The following SCAPER variants were observed in gnomAD, a reference collection of about 807,000 sequenced individuals.
SCAPER encodes S-phase cyclin A associated protein in the ER.
In SCAPER, 98 loss-of-function variants were observed where a neutral mutation model predicts 182.2. The ratio of observed to expected loss-of-function variants is 0.54; its 90% CI spans 0.46 to 0.64. The LOEUF is 0.64. Among genes scored for constraint, SCAPER ranks in the 30% least tolerant of loss-of-function variants. The probability of loss-of-function intolerance (pLI) is 0.00; values close to 1 mark genes in which losing one functional copy is unlikely to be tolerated. For missense variants in SCAPER, 1,432 were observed against 1,690.0 expected (o/e 0.85, Z 2.68); for synonymous variants, 605 against 564.6 (o/e 1.07, Z -1.01).
chr15:76,464,079 T>C lies in SCAPER; in HGVS notation c.3078+7133A>G, dbSNP rs557226653. Among the ~76,000 whole-genome samples the C allele has an allele frequency of 1.7e-4, 26 of 149,108 alleles. No individual in the cohort carries two copies. The East Asian group carries it at 5.0e-3, about 29-fold the overall frequency. On this transcript the variant is annotated intron_variant, in intron 25 of 31. Coordinates refer to ENST00000563290, the MANE Select transcript of SCAPER (RefSeq NM_020843.4). The stretch of plus-strand genomic sequence containing the variant: ...AATTTTTAGGTGCATATTACAATAT[T>C]GTTAACTATATGCACATTGTTGTAA...
At chr15:76,542,700 G>T (rs2044876330) in intron 23 of SCAPER, among the ~76,000 whole-genome samples, 1 of 152,082 alleles carries the variant, frequency 6.6e-6, no homozygotes, top group East Asian at 1.9e-4. Context: ...TATATAAGAA[G>T]AATTTTGCTT....
In SCAPER at chr15:76,351,348, G is replaced by T. The variant is rs544813859; in HGVS notation, c.4048-60C>A. 6.7e-5 allele frequency: 99 copies of T among 1,475,362 alleles called. No individual in the cohort carries two copies. In the East Asian group the frequency reaches 2.3e-3, roughly 34 times the overall value. 91.4% of individuals were successfully genotyped at this position (1,475,362 alleles called of 1,614,324 possible). A position where few individuals can be genotyped will look rare whatever the true frequency, so the allele number is the denominator to read the frequency against. On this transcript the variant is annotated intron_variant, in intron 30 of 31. Transcript: ENST00000563290. ...GCTATGAACAGAGAATTTCACTAAG[G>T]GTGGCTTTAAATATACTTCTGATTC... is the stretch of plus-strand genomic sequence containing the variant.
At chr15:76,460,063 G>T (rs2049040483) in intron 25 of SCAPER, among the ~76,000 whole-genome samples, 1 of 151,940 alleles carries the variant, frequency 6.6e-6, no homozygotes, top group East Asian at 1.9e-4. Context: ...TGCTGTTTTG[G>T]TTACTGTGGC....
chr15:76,695,315 G>A (rs1028774514), intron 20 of SCAPER, among the ~76,000 whole-genome samples: 14 of 151,972 alleles, frequency 9.2e-5, no homozygotes, highest in African/African-American at 3.1e-4. Flanking sequence ...ATTATTTGTG[G>A]CCAGGCACAG....
chr15:76,497,989 CAAAA>C (rs747096625), intron 24 of SCAPER, among the ~76,000 whole-genome samples: 27 of 58,322 alleles, frequency 4.6e-4, no homozygotes, highest in African/African-American at 1.6e-3. Context: ...GACTCCGTCT[CAAAA>C]AAAAAAAAAA....
intron 22 of SCAPER, among the ~76,000 whole-genome samples, chr15:76,583,242 T>C (rs1370504280): frequency 6.6e-6 from 1 of 151,550 alleles, no homozygotes; most frequent in Non-Finnish European, 1.5e-5. Context: ...TCCCAGCTAC[T>C]CGGGAGGCTG....
chr15:76,552,887 CCAGT>C (rs1363164205), intron 23 of SCAPER, among the ~76,000 whole-genome samples: 1 of 152,168 alleles, frequency 6.6e-6, no homozygotes, highest in African/African-American at 2.4e-5. Flanking sequence ...TCCAGGGACC[CCAGT>C]CTGGCCATGC....
intron 5 of SCAPER, among the ~76,000 whole-genome samples, chr15:76,823,163 A>G (rs2067713807): frequency 6.6e-6 from 1 of 152,226 alleles, no homozygotes. Flanking sequence ...GTTTTTAAAC[A>G]TAGATATACT....
chr15:76,516,167 CAGAACTT>C (rs2042399815), intron 23 of SCAPER, among the ~76,000 whole-genome samples: 1 of 151,378 alleles, frequency 6.6e-6, no homozygotes, highest in Non-Finnish European at 1.5e-5. Flanking sequence ...ACCCAGAACT[CAGAACTT>C]TCTTTCTTTC....
chr15:76,785,021 T>G (rs2064471368), intron 8 of SCAPER, among the ~76,000 whole-genome samples: 1 of 152,102 alleles, frequency 6.6e-6, no homozygotes, highest in Non-Finnish European at 1.5e-5. Context: ...AAAGCCAAAA[T>G]TGACAAATGG....
At chr15:76,471,468 C>A in intron 24 of SCAPER, 133 bp from the exon 25 acceptor site, 1 of 996,804 alleles carries the variant, frequency 1.0e-6, no homozygotes, top group African/African-American at 1.6e-5. Flanking sequence ...AAGCCAAATA[C>A]TATTAGGTAC....
At chr15:76,420,264 T>C (rs2045938066) in intron 26 of SCAPER, among the ~76,000 whole-genome samples, 1 of 135,694 alleles carries the variant, frequency 7.4e-6, no homozygotes, top group African/African-American at 2.9e-5. Flanking sequence ...TTTATAGAGA[T>C]GGGGTCTATG....
At chr15:76,813,996 C>T (rs768681568) in intron 5 of SCAPER, among the ~76,000 whole-genome samples, 28 of 152,114 alleles carry the variant, frequency 1.8e-4, no homozygotes, top group African/African-American at 5.8e-4. Context: ...GGTGAAACCC[C>T]GTCTCTACTA....
intron 21 of SCAPER, among the ~76,000 whole-genome samples, chr15:76,626,140 C>T (rs1335607807): frequency 2.0e-5 from 3 of 152,042 alleles, no homozygotes; most frequent in East Asian, 1.9e-4. Flanking sequence ...TGTCACTTCT[C>T]GGTTGAATGC....
chr15:76,827,340 T>A (rs890324990), intron 5 of SCAPER, among the ~76,000 whole-genome samples: 2 of 152,220 alleles, frequency 1.3e-5, no homozygotes, highest in African/African-American at 4.8e-5. Context: ...CCATAGCCTG[T>A]GGACTCGGTC....
At chr15:76,481,440 G>T (rs913200582) in intron 24 of SCAPER, among the ~76,000 whole-genome samples, 3 of 152,060 alleles carry the variant, frequency 2.0e-5, no homozygotes, top group African/African-American at 7.3e-5. Context: ...TATGCTAAGT[G>T]TAACAGGCAA....
intron 23 of SCAPER, among the ~76,000 whole-genome samples, chr15:76,565,760 T>C (rs2046992179): frequency 6.6e-6 from 1 of 152,184 alleles, no homozygotes; most frequent in South Asian, 2.1e-4. Context: ...ATCTGTCATA[T>C]TCATGAAATA....
intron 25 of SCAPER, among the ~76,000 whole-genome samples, chr15:76,460,257 T>G (rs2049060781): frequency 6.6e-6 from 1 of 152,298 alleles, no homozygotes; most frequent in African/African-American, 2.4e-5. Flanking sequence ...GTTTTGTAGT[T>G]TTCCTTGTAG....
chr15:76,767,184 T>C (rs756845115), intron 10 of SCAPER, 96 bp from the exon 11 acceptor site: 36 of 1,106,040 alleles, frequency 3.3e-5, no homozygotes, highest in Non-Finnish European at 4.2e-5. Flanking sequence ...ACAGTATACA[T>C]AAAATTGTAT....
Sources: gnomAD v4.1 joint callset for allele counts (sites outside exome capture counted in the v4.1 genomes callset) on GRCh38, gnomAD v4.1.1 for gene constraint, MANE v1.5 for transcripts, NCBI Gene and HGNC (gene_info 2026-07-23, HGNC 2026-07-21) for gene names.